Variants in TTN observed in about 807,000 individuals in gnomAD.
The protein encoded by TTN is connectin.
A neutral mutation model predicts 3,223.0 loss-of-function variants in TTN; 1,525 were observed. The observed-to-expected ratio is 0.47, with a 90% CI of 0.45 to 0.49. The LOEUF (loss-of-function observed/expected upper bound fraction) is 0.49. Among genes scored for constraint, TTN ranks in the 20% least tolerant of loss-of-function variants. TTN has a pLI of 0.00. For missense variants in TTN, 40,786 were observed against 43,424.0 expected (o/e 0.94, Z 5.40); for synonymous variants, 14,094 against 15,161.0 (o/e 0.93, Z 5.17).
chr2:178,570,462 G>A lies in TTN; in HGVS notation c.75670C>T (p.Leu25224=), dbSNP rs1042421057. 6.2e-7 allele frequency: 1 copy of A among 1,613,118 alleles called. No homozygotes were observed. The highest frequency in any genetic ancestry group is 1.3e-5 in the African/African-American group (1 of 74,846). Residue 25224 remains leucine (L), a synonymous_variant, in exon 326 of 363, where the codon CTA becomes TTA. Transcript: ENST00000589042. ...TCCTGAAGTGGGGGTTTCCAAGCTA[G>A]TGTGCATTTTTCTGCTGTAACTCCT... is the stretch of plus-strand genomic sequence containing the variant. The part of the protein sequence containing the change: ...ISGVTAEKCT[L]AWKPPLQDGG...
intron 41 of TTN, among the ~76,000 whole-genome samples, chr2:178,765,114 C>T (rs1227861325): frequency 1.3e-5 from 2 of 152,080 alleles, no homozygotes; most frequent in Non-Finnish European, 1.5e-5. Context: ...GGGGGCTTAG[C>T]GATGGACACC....
Position 178,562,528 on chromosome 2 carries a change from TC to T in TTN, c.83603del (p.Gly27868GlufsTer3), listed in dbSNP as rs727505014. ...GGGTCACATCAACAAGAGTTACTCT[TC>T]CAGGTGGGAGGGGTGGTTCAGACAC... ...VKVSEPPLPPGRVTLVDVTRN... is the reference protein window; with the variant it reads ...VKVSEPPLPPXRVTLVDVTRN... On this transcript the variant is annotated frameshift_variant, in exon 326 of 363. Transcript: ENST00000589042. LOFTEE classifies it high-confidence loss of function. 6.2e-7 allele frequency: 1 copy of T among 1,610,874 alleles called. No individual in the cohort carries two copies. The highest frequency in any genetic ancestry group is 8.5e-7 in the Non-Finnish European group (1 of 1,178,908).
intron 47 of TTN, chr2:178,749,194 A>C (rs1221183608): frequency 6.2e-7 from 1 of 1,611,236 alleles, no homozygotes; most frequent in Admixed American, 1.7e-5. Context: ...CTGATCTACC[A>C]AGTTTTCCAA....
chr2:178,591,604 T>G lies in TTN; in HGVS notation c.60215A>C (p.Lys20072Thr). ...DTTIPIECQE[K>T]LVPPSVELDV... The stretch of plus-strand genomic sequence containing the variant: ...ACTGCTAGTCCAAAAATTACCTAGT[T>G]TTTCTTGACATTCTATCGGGATAGT... Residue 20072 changes from lysine (K) to threonine (T), a missense_variant, in exon 303 of 363, where the codon AAA becomes ACA. Coordinates refer to ENST00000589042, the MANE Select transcript of TTN (RefSeq NM_001267550.2). The G allele has an allele frequency of 6.2e-7, 1 of 1,610,664 alleles. No individual in the cohort carries two copies. Among genetic ancestry groups the G allele is most frequent in the Non-Finnish European group, 8.5e-7 (1 of 1,178,992 alleles).
In TTN at chr2:178,714,426, A is replaced by T. The variant is rs1226202295; in HGVS notation, c.26348T>A (p.Ile8783Lys). ...AATGTTTTCTGAATAAGAAATCCAT[A>T]TGTTGTCACTTTCTCTAACGATTTC... ...KGEIVRESDN[I>K]WISYSENIAT... Residue 8783 changes from isoleucine (I) to lysine (K), a missense_variant, in exon 91 of 363, where the codon ATA becomes AAA. Coordinates refer to ENST00000589042, the MANE Select transcript of TTN (RefSeq NM_001267550.2). The T allele has an allele frequency of 6.2e-7, 1 of 1,613,660 alleles. No individual in the cohort carries two copies. The highest frequency in any genetic ancestry group is 1.3e-5 in the African/African-American group (1 of 74,910).
intron 295 of TTN, 135 bp downstream of exon 295, chr2:178,595,372 A>G (rs2051271350): frequency 3.9e-6 from 3 of 766,938 alleles, no homozygotes; most frequent in Non-Finnish European, 6.3e-6. Flanking sequence ...ACCAAATCAG[A>G]TACTGAGTAG....
In TTN at chr2:178,756,539, T is replaced by A; in HGVS notation, c.10937A>T (p.Glu3646Val). The change falls in exon 46 of 363, where the codon GAG becomes GTG. Residue 3646 changes from glutamate to valine, a missense_variant. Glu to Val is a moderately radical substitution (Grantham distance 121). Transcript: ENST00000589042. ...CTCTTTAGCACATTCCTTAGATAGC[T>A]CAGTGCTTTCTGCAATTTGTGAAAG... ...ASLSQIAEST[E>V]LSKECAKEST... The A allele has an allele frequency of 6.2e-7, 1 of 1,612,198 alleles. No individual in the cohort carries two copies. Among genetic ancestry groups the A allele is most frequent in the Non-Finnish European group, 8.5e-7 (1 of 1,178,622 alleles).
At chr2:178,527,804 C>G (rs1488461709) in intron 361 of TTN, 56 bp from the exon 362 acceptor site, 5 of 1,466,618 alleles carry the variant, frequency 3.4e-6, no homozygotes, top group Non-Finnish European at 4.6e-6. Context: ...TAATTGATGA[C>G]ATATGACGCT....
At chr2:178,542,110 C>A in intron 349 of TTN, 154 bp downstream of exon 349, 2 of 724,574 alleles carry the variant, frequency 2.8e-6, no homozygotes, top group African/African-American at 1.8e-5. Flanking sequence ...GGTTTAGAAA[C>A]CTGAGAAAAG....
rs1697134588 is a variant in TTN at position 178,546,374 on chromosome 2, C to T, written c.94957G>A (p.Asp31653Asn). 1.2e-6 allele frequency: 2 copies of T among 1,613,658 alleles called. No homozygotes were observed. Among genetic ancestry groups the T allele is most frequent in the East Asian group, 2.2e-5 (1 of 44,884 alleles). ...TTTTCACAGAGATCTAGCTCCTTGT[C>T]TCCTTTGGTCCAGATAATTTTGGGT... ...PEPKIIWTKG[D>N]KELDLCEKVS... Residue 31653 changes from aspartate to asparagine, a missense_variant, in exon 342 of 363, where the codon GAC becomes AAC. By Grantham distance (23) the Asp-to-Asn change is conservative. Transcript: ENST00000589042.
chr2:178,792,737 T>G (rs79491116), intron 9 of TTN, among the ~76,000 whole-genome samples: 9,284 of 152,252 alleles, frequency 0.061, 642 homozygotes, highest in African/African-American at 0.16. Flanking sequence ...GTTTTCTCTA[T>G]TTGCCTCTTT....
rs557312035 is a variant in TTN at position 178,564,811 on chromosome 2, G to C, written c.81321C>G (p.Tyr27107Ter). 2 of 1,612,790 alleles carry C rather than the reference G, an allele frequency of 1.2e-6. No individual in the cohort carries two copies. The highest frequency in any genetic ancestry group is 1.7e-6 in the Non-Finnish European group (2 of 1,179,384). ...VNDGGTKIIG[Y>*]HLEQKEKNSI... Reference sequence around the variant, plus strand: ...TGTTCTTTTCTTTCTGTTCAAGATGGTAGCCAATAATTTTGGTGCCTCCAT... The same window carrying C: ...TGTTCTTTTCTTTCTGTTCAAGATGCTAGCCAATAATTTTGGTGCCTCCAT... Residue 27107 changes from tyrosine (Y) to a stop codon, truncating the protein, a stop_gained, in exon 326 of 363, where the codon TAC becomes TAG. Coordinates refer to ENST00000589042, the MANE Select transcript of TTN (RefSeq NM_001267550.2). LOFTEE classifies it high-confidence loss of function.
At position 178,766,464 on chromosome 2, in the gene TTN, A is replaced by G; in HGVS notation, c.9620T>C (p.Ile3207Thr). ...TGCATCGCTCTGTCTGGTCTCAGAG[A>G]TAAACATTCGGTGGATTCTTCTTTC... ...VVERRIHRMF[I>T]SETRQSDAGE... Residue 3207 changes from isoleucine to threonine, a missense_variant, in exon 41 of 363, where the codon ATC (isoleucine) becomes ACC (threonine). By Grantham distance (89) the Ile-to-Thr change is moderately conservative (BLOSUM62 -1). Coordinates refer to ENST00000589042, the MANE Select transcript of TTN (RefSeq NM_001267550.2). 1 of 1,614,142 alleles carries G rather than the reference A, an allele frequency of 6.2e-7. No individual in the cohort carries two copies. The highest frequency in any genetic ancestry group is 8.5e-7 in the Non-Finnish European group (1 of 1,180,000).
chr2:178,559,171 G>A, intron 326 of TTN, 140 bp downstream of exon 326: 1 of 699,796 alleles, frequency 1.4e-6, no homozygotes, highest in Non-Finnish European at 2.3e-6. Flanking sequence ...TCCATTTTGT[G>A]CCATAGTATG....
rs776497397 is a variant in TTN at position 178,616,476 on chromosome 2, C to CA, written c.48312+2dup. ...CATTGATGCAGTGCTGCTCAAAACT[C>CA]ACTTTAGTCCATGTTTTCCGGCTGA... On this transcript the variant is annotated splice_region_variant and intron_variant, in intron 257 of 362. Transcript: ENST00000589042. 6.2e-7 allele frequency: 1 copy of CA among 1,611,908 alleles called. No individual in the cohort carries two copies. Among genetic ancestry groups the CA allele is most frequent in the Non-Finnish European group, 8.5e-7 (1 of 1,178,692 alleles).
At chr2:178,687,164 T>A (rs1366677998) in intron 127 of TTN, among the ~76,000 whole-genome samples, 1 of 152,250 alleles carries the variant, frequency 6.6e-6, no homozygotes, top group African/African-American at 2.4e-5. Context: ...AAACAGATAC[T>A]TGGGACATCT....
rs1301703106 is a variant in TTN, at chr2:178,620,389, C to G, written c.46132G>C (p.Asp15378His). The change falls in exon 248 of 363, where the codon GAT (aspartate) becomes CAT (histidine). Residue 15378 changes from aspartate (D) to histidine (H), a missense_variant. Physicochemically the swap from Asp to His is moderately conservative, Grantham distance 81. Transcript: ENST00000589042. ...EGEYIVTAGQDKSVAELLIIE... is the reference protein window; with the variant it reads ...EGEYIVTAGQHKSVAELLIIE... ...ATGAGAAGCTCAGCAACAGATTTAT[C>G]TTGTCCAGCAGTGACAATGTATTCA... The G allele has an allele frequency of 6.2e-7, 1 of 1,612,052 alleles. No individual in the cohort carries two copies. The highest frequency in any genetic ancestry group is 8.5e-7 in the Non-Finnish European group (1 of 1,178,850).
chr2:178,640,151 T>C (rs1309357924), intron 221 of TTN, 41 bp from the exon 222 acceptor site: 1 of 1,590,652 alleles, frequency 6.3e-7, no homozygotes, highest in Non-Finnish European at 8.5e-7. Context: ...TTACAGGATT[T>C]TTGAAGTTTT....
chr2:178,651,202 G>T, intron 208 of TTN, 41 bp downstream of exon 208: 1 of 1,529,800 alleles, frequency 6.5e-7, no homozygotes, highest in Non-Finnish European at 9.0e-7. Context: ...TATTAGACAA[G>T]GGTGAGTGCT....
Sources: gnomAD v4.1 joint callset for allele counts (sites outside exome capture counted in the v4.1 genomes callset) on GRCh38, gnomAD v4.1.1 for gene constraint, MANE v1.5 for transcripts, NCBI Gene and HGNC (gene_info 2026-07-23, HGNC 2026-07-21) for gene names.